Variants in ZNF605 observed in about 807,000 individuals in gnomAD.
ZNF605 encodes the protein zinc finger protein 605.
Under a neutral mutation model 7.9 loss-of-function variants are expected in ZNF605, and 9 were observed. The ratio of observed to expected loss-of-function variants is 1.14; its 90% CI spans 0.68 to 1.98. The LOEUF (loss-of-function observed/expected upper bound fraction) is 1.98. Ranked by LOEUF, ZNF605 falls within the 30% of genes most tolerant of loss-of-function variation. ZNF605 has a pLI of 0.00. For missense variants in ZNF605, 673 were observed against 762.4 expected (o/e 0.88, Z 1.38); for synonymous variants, 255 against 260.1 (o/e 0.98, Z 0.19).
chr12:132,924,168 TAA>T lies in ZNF605; in HGVS notation c.*1203_*1204del, dbSNP rs1474356980. 1 of 152,226 alleles carries T rather than the reference TAA, an allele frequency of 6.6e-6. No individual in the cohort carries two copies. Among genetic ancestry groups the T allele is most frequent in the African/African-American group, 2.4e-5 (1 of 41,454 alleles). The allele number at this position is 152,226 out of a possible 1,614,324, so 9.4% of individuals were successfully genotyped here. A position where few individuals can be genotyped will look rare whatever the true frequency, so the allele number is the denominator to read the frequency against. On this transcript the variant is annotated 3_prime_UTR_variant, in exon 5 of 5. Transcript: ENST00000360187. Reference sequence around the variant, plus strand: ...TTTCTACTGATTTTTCTCCTGGTTATAAGTCATATTTTATTGCTTCTTTGCAT... The same window carrying T: ...TTTCTACTGATTTTTCTCCTGGTTATGTCATATTTTATTGCTTCTTTGCAT...
chr12:132,939,710 G>T (rs1166547971), intron 3 of ZNF605, among the ~76,000 whole-genome samples: 21 of 152,190 alleles, frequency 1.4e-4, no homozygotes, highest in Non-Finnish European at 2.4e-4. Flanking sequence ...GTGGCAACCC[G>T]CTCGGGTCCT....
intron 1 of ZNF605, among the ~76,000 whole-genome samples, chr12:132,953,873 T>C (rs1411689915): frequency 1.3e-5 from 2 of 152,026 alleles, no homozygotes; most frequent in African/African-American, 4.8e-5. Context: ...GCACGCATAC[T>C]TGGCATTGAT....
chr12:132,951,394 A>G (rs1385320501), intron 1 of ZNF605, among the ~76,000 whole-genome samples: 1 of 151,408 alleles, frequency 6.6e-6, no homozygotes, highest in Non-Finnish European at 1.5e-5. Context: ...GTACACACAG[A>G]TACGTACATC....
At position 132,926,535 on chromosome 12, in the gene ZNF605, C is replaced by T. The variant is rs1952249550; in HGVS notation, c.764G>A (p.Cys255Tyr). The change falls in exon 5 of 5, where the codon TGC becomes TAC. Residue 255 changes from cysteine (C) to tyrosine (Y), a missense_variant. By Grantham distance (194) the Cys-to-Tyr change is radical. Coordinates refer to ENST00000360187, the MANE Select transcript of ZNF605 (RefSeq NM_183238.4). ...RIHTGEKPYG[C>Y]SECGKAFSRK... ...ACTGAAGGCTTTTCCACATTCACTG[C>T]ATCCATACGGCTTCTCTCCAGTATG... is the stretch of plus-strand genomic sequence containing the variant. 3 of 1,614,104 alleles carry T rather than the reference C, an allele frequency of 1.9e-6. No homozygotes were observed. The highest frequency in any genetic ancestry group is 2.5e-6 in the Non-Finnish European group (3 of 1,180,050).
Position 132,925,623 on chromosome 12 carries a change from T to C in ZNF605, c.1676A>G (p.Lys559Arg), listed in dbSNP as rs1269097599. 2 of 1,614,194 alleles carry C rather than the reference T, an allele frequency of 1.2e-6. No individual in the cohort carries two copies. The highest frequency in any genetic ancestry group is 1.7e-6 in the Non-Finnish European group (2 of 1,180,028). The change falls in exon 5 of 5, where the codon AAA becomes AGA. Residue 559 changes from lysine (K) to arginine (R), a missense_variant. Transcript: ENST00000360187. The stretch of plus-strand genomic sequence containing the variant: ...TGCACAATCGCTGCATCCATAGGTT[T>C]TCTCTCCTGTGTGATTTCTTTGATG... ...IKHQRNHTGE[K>R]TYGCSDCAKA...
rs1952446462 is a variant in ZNF605 at position 132,941,846 on chromosome 12, CCTT to C, written c.15+3772_15+3774del. 1.3e-5 allele frequency among the ~76,000 whole-genome samples: 2 copies of C among 152,038 alleles called. No homozygotes were observed. The highest frequency in any genetic ancestry group is 6.6e-5 in the Admixed American group (1 of 15,260). On this transcript the variant is annotated intron_variant, in intron 3 of 4. Transcript: ENST00000360187. This position sits in a 1 kb window ranked among gnomAD's most constrained non-coding sequence, Gnocchi z 5.1. ...CTCGAGGCTGCCCTCCATCACGCGT[CCTT>C]CTTCTCCAGGCTGCCCTCCATCACG...
At chr12:132,951,190 G>A (rs1163143956) in intron 1 of ZNF605, among the ~76,000 whole-genome samples, 3 of 147,856 alleles carry the variant, frequency 2.0e-5, no homozygotes, top group Non-Finnish European at 3.0e-5. Context: ...ACACAGACAT[G>A]CACACACACT....
At chr12:132,947,907 G>A (rs1436152505) in intron 2 of ZNF605, among the ~76,000 whole-genome samples, 1 of 151,990 alleles carries the variant, frequency 6.6e-6, no homozygotes, top group South Asian at 2.1e-4. Context: ...CAGTTCCACA[G>A]GGACTGGGGT....
intron 3 of ZNF605, among the ~76,000 whole-genome samples, chr12:132,939,658 G>A (rs1952411817): frequency 6.6e-6 from 1 of 152,218 alleles, no homozygotes; most frequent in African/African-American, 2.4e-5. Flanking sequence ...GGATGTGGGT[G>A]GGGCCAGATA....
Position 132,926,494 on chromosome 12 carries a change from TAAGCTG to T in ZNF605, c.799_804del (p.Gln267_Leu268del). ...ATTGTGTGCGTTATCTGATGTCTTTTAAGCTGCGACTTCCTACTGAAGGCTTTTCCA... is the reference window on the plus strand; with the variant it reads ...ATTGTGTGCGTTATCTGATGTCTTTTCGACTTCCTACTGAAGGCTTTTCCA... On this transcript the variant is annotated inframe_deletion, in exon 5 of 5. Transcript: ENST00000360187. 6.2e-7 allele frequency: 1 copy of T among 1,614,216 alleles called. No individual in the cohort carries two copies. Among genetic ancestry groups the T allele is most frequent in the South Asian group, 1.1e-5 (1 of 91,078 alleles).
chr12:132,951,356 C>T (rs369752035), intron 1 of ZNF605, among the ~76,000 whole-genome samples: 49 of 151,666 alleles, frequency 3.2e-4, no homozygotes, highest in African/African-American at 1.1e-3. Context: ...CACGTACACA[C>T]AGATACACAC....
At chr12:132,947,115 C>T (rs1483974517) in intron 2 of ZNF605, among the ~76,000 whole-genome samples, 3 of 151,098 alleles carry the variant, frequency 2.0e-5, no homozygotes, top group African/African-American at 2.4e-5. Context: ...TGGGTTCAAG[C>T]GATTCTTCTG....
At chr12:132,939,258 G>A (rs1235236593) in intron 3 of ZNF605, among the ~76,000 whole-genome samples, 2 of 152,206 alleles carry the variant, frequency 1.3e-5, no homozygotes, top group African/African-American at 4.8e-5. Flanking sequence ...ATCTAGCTCA[G>A]GGATTGTAAA....
chr12:132,951,344 G>A (rs1318021412), intron 1 of ZNF605, among the ~76,000 whole-genome samples: 1 of 147,206 alleles, frequency 6.8e-6, no homozygotes, highest in Non-Finnish European at 1.5e-5. Context: ...CACACACACA[G>A]ACACGTACAC....
intron 3 of ZNF605, among the ~76,000 whole-genome samples, chr12:132,938,796 G>C (rs1216719704): frequency 6.6e-6 from 1 of 152,122 alleles, no homozygotes; most frequent in Non-Finnish European, 1.5e-5. Context: ...GGCGCTTGCG[G>C]GCCAGCTGGA....
chr12:132,946,154 T>A (rs1952492405), intron 2 of ZNF605, among the ~76,000 whole-genome samples: 1 of 152,170 alleles, frequency 6.6e-6, no homozygotes, highest in Admixed American at 6.5e-5. Flanking sequence ...GGAAATGCCA[T>A]GAGGACTTAT....
intron 1 of ZNF605, among the ~76,000 whole-genome samples, chr12:132,951,262 T>C (rs1055008966): frequency 2.7e-5 from 4 of 149,450 alleles, no homozygotes; most frequent in South Asian, 2.1e-4. Flanking sequence ...CAGACGCACA[T>C]GTACATCACA....
chr12:132,930,920 T>C (rs1423205508), intron 4 of ZNF605, among the ~76,000 whole-genome samples: 1 of 152,170 alleles, frequency 6.6e-6, no homozygotes, highest in African/African-American at 2.4e-5. Flanking sequence ...TTATGGCTCT[T>C]CCTGTAATCC....
rs1026570183 is a variant in ZNF605 at position 132,941,585 on chromosome 12, C to T, written c.15+4036G>A. Among the ~76,000 whole-genome samples the T allele has an allele frequency of 1.3e-5, 2 of 152,224 alleles. No individual in the cohort carries two copies. Among genetic ancestry groups the T allele is most frequent in the South Asian group, 2.1e-4 (1 of 4,832 alleles). ...GGCGTCTGAGGAACCGTATCGCTCA[C>T]GAGCAACAGGGTAACTGACTGTTGT... On this transcript the variant is annotated intron_variant, in intron 3 of 4. Coordinates refer to ENST00000360187, the MANE Select transcript of ZNF605 (RefSeq NM_183238.4). The surrounding 1 kb of genome is among the most constrained non-coding windows in gnomAD (Gnocchi z 5.1).
Sources: gnomAD v4.1 joint callset for allele counts (sites outside exome capture counted in the v4.1 genomes callset) on GRCh38, gnomAD v4.1.1 for gene constraint, Gnocchi (gnomAD v3.1) non-coding constraint, MANE v1.5 for transcripts, NCBI Gene and HGNC (gene_info 2026-07-23, HGNC 2026-07-21) for gene names.